Variants in HSPA12B observed in about 807,000 individuals in gnomAD.
HSPA12B encodes heat shock 70 kDa protein 12B.
A neutral mutation model predicts 69.3 loss-of-function variants in HSPA12B; 54 were observed. The observed-to-expected ratio is 0.78, with a 90% CI of 0.63 to 0.98. The LOEUF is 0.98. Among genes scored for constraint, HSPA12B ranks in the 50% least tolerant of loss-of-function variants. HSPA12B has a pLI of 0.00. For missense variants in HSPA12B, 929 were observed against 999.8 expected, an observed-to-expected ratio of 0.93 and a Z score of 0.96; for synonymous variants, 441 against 436.5, an observed-to-expected ratio of 1.01 and a Z score of -0.13.
Position 3,752,313 on chromosome 20 carries a change from T to C in HSPA12B, c.*147T>C, listed in dbSNP as rs1344066542. On this transcript the variant is annotated 3_prime_UTR_variant, in exon 13 of 13. Transcript: ENST00000254963. ...TCCAGCCCCGGGGGAGATAAGGTCA[T>C]GGGAGAGTGGGTGGGGACACACCCA... 9.2e-6 allele frequency: 7 copies of C among 762,820 alleles called. No individual in the cohort carries two copies. The highest frequency in any genetic ancestry group is 3.8e-5 in the Admixed American group (1 of 26,058). The allele number at this position is 762,820 out of a possible 1,614,324, so 47.3% of individuals were successfully genotyped here.
In HSPA12B at chr20:3,751,889, G is replaced by T; in HGVS notation, c.1784G>T (p.Cys595Phe). 2.6e-6 allele frequency: 4 copies of T among 1,568,488 alleles called. No homozygotes were observed. Among genetic ancestry groups the T allele is most frequent in the South Asian group, 2.3e-5 (2 of 86,800 alleles). Residue 595 changes from cysteine to phenylalanine, a missense_variant, in exon 13 of 13, where the codon TGC becomes TTC. Coordinates refer to ENST00000254963, the MANE Select transcript of HSPA12B (RefSeq NM_052970.5). ...GGCGAGGAGGTGCGGCGCAGCTACT[G>T]CCCGGCGCGTCCCGGCCAGCGGCGC... Reference protein sequence around the residue: ...ALGEEVRRSYCPARPGQRRVL... With the variant: ...ALGEEVRRSYFPARPGQRRVL...
In HSPA12B at chr20:3,749,812, G is replaced by A. The variant is rs1412490276; in HGVS notation, c.1000G>A (p.Glu334Lys). 1.2e-6 allele frequency: 2 copies of A among 1,608,884 alleles called. No individual in the cohort carries two copies. The highest frequency in any genetic ancestry group is 2.2e-5 in the South Asian group (2 of 90,720). Residue 334 changes from glutamate (E) to lysine (K), a missense_variant, in exon 10 of 13, where the codon GAG (glutamate) becomes AAG (lysine). Transcript: ENST00000254963. This position sits in a 1 kb window ranked among gnomAD's most constrained non-coding sequence, Gnocchi z 5.5. ...GTVDLTVHQL[E>K]QPHGTLKELY... ...CGTGGACCTGACGGTGCACCAGCTG[G>A]AGCAGCCCCATGGCACCCTCAAGGA... is the stretch of plus-strand genomic sequence containing the variant.
rs771021373 is a variant in HSPA12B, at chr20:3,749,929, G to A, written c.1043-40G>A. The A allele has an allele frequency of 1.9e-6, 3 of 1,547,772 alleles. No homozygotes were observed. The highest frequency in any genetic ancestry group is 1.7e-6 in the Non-Finnish European group (2 of 1,144,750). On this transcript the variant is annotated intron_variant, in intron 10 of 12. Transcript: ENST00000254963. This position sits in a 1 kb window ranked among gnomAD's most constrained non-coding sequence, Gnocchi z 5.5. ...CCCGCCACTGCCCCCTGGCGGCCCG[G>A]CGAGCGCTGACGCCCTCTTCGCCCC...
intron 1 of HSPA12B, among the ~76,000 whole-genome samples, chr20:3,735,302 G>T (rs1199543598): frequency 6.6e-6 from 1 of 152,166 alleles, no homozygotes; most frequent in Non-Finnish European, 1.5e-5. Context: ...ACTCACGCTA[G>T]GTGCCATAAT....
In HSPA12B at chr20:3,744,782, C is replaced by A; in HGVS notation, c.267-120C>A. On this transcript the variant is annotated intron_variant, in intron 4 of 12. Coordinates refer to ENST00000254963, the MANE Select transcript of HSPA12B (RefSeq NM_052970.5). This position sits in a 1 kb window ranked among gnomAD's most constrained non-coding sequence, Gnocchi z 4.9. The stretch of plus-strand genomic sequence containing the variant: ...TGTTTTCTCCTGCTGCCTATGGAGC[C>A]GACCCATAGCTAGTTCTCCCTGCTC... 1.2e-6 allele frequency: 1 copy of A among 865,590 alleles called. No individual in the cohort carries two copies. The allele number at this position is 865,590 out of a possible 1,614,324, so 53.6% of individuals were successfully genotyped here.
At chr20:3,746,398 G>A (rs2088305704) in intron 7 of HSPA12B, among the ~76,000 whole-genome samples, 1 of 132,938 alleles carries the variant, frequency 7.5e-6, no homozygotes, top group Admixed American at 9.1e-5. Context: ...TGCCTCCCAG[G>A]TTCACGCCAT....
rs190455633 is a variant in HSPA12B, at chr20:3,747,125, G to C, written c.676-1092G>C. On this transcript the variant is annotated intron_variant, in intron 7 of 12. Coordinates refer to ENST00000254963, the MANE Select transcript of HSPA12B (RefSeq NM_052970.5). ...TCAAAGGTCTAGAGCAAGGAGTTGG[G>C]GGGGGCTCCCGTGGAGACAGAGAGG... 9.2e-5 allele frequency among the ~76,000 whole-genome samples: 14 copies of C among 152,276 alleles called. No individual in the cohort carries two copies. The East Asian group carries it at 2.5e-3, about 27-fold the overall frequency.
chr20:3,741,328 T>A (rs896496303), intron 3 of HSPA12B, among the ~76,000 whole-genome samples: 23 of 140,914 alleles, frequency 1.6e-4, no homozygotes, highest in African/African-American at 2.3e-4. Context: ...AAAAAAAAAA[T>A]AGTCTGGAAA....
In HSPA12B at chr20:3,744,967, C is replaced by T. The variant is rs1396912082; in HGVS notation, c.332C>T (p.Pro111Leu). 1.2e-6 allele frequency: 2 copies of T among 1,613,818 alleles called. No individual in the cohort carries two copies. Among genetic ancestry groups the T allele is most frequent in the Admixed American group, 1.7e-5 (1 of 60,010 alleles). ...ACCCCGACCTGCCTGCTGCTGACTC[C>T]GGAGGGCGCCTTCCACAGCTTTGGC... ...QKTPTCLLLTPEGAFHSFGYT... is the reference protein window; with the variant it reads ...QKTPTCLLLTLEGAFHSFGYT... The change falls in exon 5 of 13, where the codon CCG (proline) becomes CTG (leucine). Residue 111 changes from proline (P) to leucine (L), a missense_variant. By Grantham distance (98) the Pro-to-Leu change is moderately conservative (BLOSUM62 -3). This residue lies in a region of HSPA12B where 477 missense variants were observed against 535.2 expected (regional missense o/e 0.89). Coordinates refer to ENST00000254963, the MANE Select transcript of HSPA12B (RefSeq NM_052970.5). The surrounding 1 kb of genome is among the most constrained non-coding windows in gnomAD (Gnocchi z 4.9).
chr20:3,750,223 A>T lies in HSPA12B; in HGVS notation c.1297A>T (p.Ser433Cys), dbSNP rs957276054. 6.9e-6 allele frequency: 11 copies of T among 1,594,698 alleles called. No individual in the cohort carries two copies. In the African/African-American group the frequency reaches 1.5e-4, roughly 21 times the overall value. The change falls in exon 11 of 13, where the codon AGC becomes TGC. Residue 433 changes from serine to cysteine, a missense_variant. By Grantham distance (112) the Ser-to-Cys change is moderately radical. Transcript: ENST00000254963. ...CAACGTGGAGACCGCTCTGCGCAGG[A>T]GCAGGTGGGTCCTGAGCCCGCGGGC... ...GHNVETALRRSSVNFVKWSSQ... is the reference protein window; with the variant it reads ...GHNVETALRRCSVNFVKWSSQ...
intron 3 of HSPA12B, among the ~76,000 whole-genome samples, chr20:3,741,389 T>C (rs1241323460): frequency 6.6e-6 from 1 of 151,682 alleles, no homozygotes; most frequent in Non-Finnish European, 1.5e-5. Flanking sequence ...CCCAGCACTT[T>C]GGGAGGCCGA....
chr20:3,751,907 A>G lies in HSPA12B; in HGVS notation c.1802A>G (p.Gln601Arg), dbSNP rs1479381187. The change falls in exon 13 of 13, where the codon CAG becomes CGG. Residue 601 changes from glutamine (Q) to arginine (R), a missense_variant. Gln to Arg is a conservative substitution (Grantham distance 43). Around this residue, in one of 3 missense-constraint regions of HSPA12B, gnomAD observed 448 missense variants for 448.1 expected, o/e 1.00. Coordinates refer to ENST00000254963, the MANE Select transcript of HSPA12B (RefSeq NM_052970.5). ...RRSYCPARPG[Q>R]RRVLINLYCC... ...AGCTACTGCCCGGCGCGTCCCGGCC[A>G]GCGGCGCGTACTCATCAACCTGTAC... The G allele has an allele frequency of 3.2e-6, 5 of 1,575,244 alleles. No individual in the cohort carries two copies. Among genetic ancestry groups the G allele is most frequent in the Non-Finnish European group, 4.3e-6 (5 of 1,166,226 alleles).
Position 3,737,622 on chromosome 20 carries a change from C to T in HSPA12B, c.-17-1036C>T, listed in dbSNP as rs971520955. On this transcript the variant is annotated intron_variant, in intron 1 of 12. Coordinates refer to ENST00000254963, the MANE Select transcript of HSPA12B (RefSeq NM_052970.5). This position sits in a 1 kb window ranked among gnomAD's most constrained non-coding sequence, Gnocchi z 4.1. Reference sequence around the variant, plus strand: ...ATCTTCATGAGACCATGAGGCATCTCAGTCTCCTGGGCCGGTATATATTCC... The same window carrying T: ...ATCTTCATGAGACCATGAGGCATCTTAGTCTCCTGGGCCGGTATATATTCC... Among the ~76,000 whole-genome samples the T allele has an allele frequency of 6.6e-6, 1 of 152,206 alleles. No individual in the cohort carries two copies. The highest frequency in any genetic ancestry group is 1.5e-5 in the Non-Finnish European group (1 of 68,044).
rs2088373068 is a variant in HSPA12B at position 3,749,676 on chromosome 20, G to A, written c.938-74G>A. ...GGACCCGGGGCAGGGCTGGAGGCTG[G>A]GCGAGGCTGGAGGGGGCGCAGGGCT... On this transcript the variant is annotated intron_variant, in intron 9 of 12. Coordinates refer to ENST00000254963, the MANE Select transcript of HSPA12B (RefSeq NM_052970.5). This position sits in a 1 kb window ranked among gnomAD's most constrained non-coding sequence, Gnocchi z 5.5. The A allele has an allele frequency of 1.8e-6, 2 of 1,137,268 alleles. No homozygotes were observed. Among genetic ancestry groups the A allele is most frequent in the Non-Finnish European group, 2.5e-6 (2 of 804,830 alleles). The allele number at this position is 1,137,268 out of a possible 1,614,324, so 70.4% of individuals were successfully genotyped here. A position where few individuals can be genotyped will look rare whatever the true frequency, so the allele number is the denominator to read the frequency against.
chr20:3,745,199 G>A lies in HSPA12B; in HGVS notation c.453+111G>A. 4.0e-6 allele frequency: 4 copies of A among 1,003,468 alleles called. No homozygotes were observed. The highest frequency in any genetic ancestry group is 4.4e-6 in the Non-Finnish European group (3 of 675,626). 62.2% of individuals were successfully genotyped at this position (1,003,468 alleles called of 1,614,324 possible). A position where few individuals can be genotyped will look rare whatever the true frequency, so the allele number is the denominator to read the frequency against. ...GTGTGAGGACCGGCCCGATGGAGTC[G>A]TGGCTGAGAGGGGGCGGGGCTAAAG... On this transcript the variant is annotated intron_variant, in intron 5 of 12. Transcript: ENST00000254963. The surrounding 1 kb of genome is among the most constrained non-coding windows in gnomAD (Gnocchi z 5.6).
rs1285900224 is a variant in HSPA12B at position 3,751,605 on chromosome 20, G to A, written c.1500G>A (p.Gln500=). 2 of 1,525,684 alleles carry A rather than the reference G, an allele frequency of 1.3e-6. No homozygotes were observed. Among genetic ancestry groups the A allele is most frequent in the Non-Finnish European group, 1.8e-6 (2 of 1,139,886 alleles). 94.5% of individuals were successfully genotyped at this position (1,525,684 alleles called of 1,614,324 possible). A position where few individuals can be genotyped will look rare whatever the true frequency, so the allele number is the denominator to read the frequency against. The part of the protein sequence containing the change: ...AESAVLQHAV[Q]AALGARGLRV... ...CAGCGGTGCTGCAGCACGCGGTGCA[G>A]GCGGCGCTGGGCGCCCGCGGTCTGC... Residue 500 remains glutamine, a synonymous_variant, in exon 13 of 13, where the codon CAG becomes CAA. Coordinates refer to ENST00000254963, the MANE Select transcript of HSPA12B (RefSeq NM_052970.5).
chr20:3,748,051 A>C (rs1175987286), intron 7 of HSPA12B, among the ~76,000 whole-genome samples, 166 bp from the exon 8 acceptor site: 2 of 152,260 alleles, frequency 1.3e-5, no homozygotes, highest in African/African-American at 2.4e-5. Flanking sequence ...GCTATGAGGC[A>C]GCTCCAAATT....
At chr20:3,741,089 C>T (rs1030786141) in intron 3 of HSPA12B, among the ~76,000 whole-genome samples, 177 bp downstream of exon 3, 1 of 152,050 alleles carries the variant, frequency 6.6e-6, no homozygotes, top group Non-Finnish European at 1.5e-5. Flanking sequence ...CCTTGGGTGA[C>T]CCTGGACTAT....
chr20:3,747,594 C>A (rs1285422030), intron 7 of HSPA12B, among the ~76,000 whole-genome samples: 1 of 152,224 alleles, frequency 6.6e-6, no homozygotes, highest in South Asian at 2.1e-4. Flanking sequence ...GGATCCCCTA[C>A]CCTGAAGGAA....
Sources: allele counts gnomAD v4.1 joint callset (sites outside exome capture counted in the v4.1 genomes callset), GRCh38; gene constraint gnomAD v4.1.1; regional missense constraint gnomAD v4.1.1; non-coding constraint Gnocchi (gnomAD v3.1); transcripts MANE v1.5; gene names NCBI Gene and HGNC (gene_info 2026-07-23, HGNC 2026-07-21).